ADI1: variants seen among roughly 807,000 people sequenced by gnomAD.
ADI1 encodes acireductone dioxygenase 1, also known as acireductone dioxygenase.
A neutral mutation model predicts 18.7 loss-of-function variants in ADI1; 21 were observed. The ratio of observed to expected loss-of-function variants is 1.13; its 90% CI spans 0.80 to 1.62. ADI1 has a LOEUF of 1.62. Among genes scored for constraint, ADI1 ranks in the 40% most tolerant of loss-of-function variants. The probability of loss-of-function intolerance (pLI) is 0.00; values close to 1 mark genes in which losing one functional copy is unlikely to be tolerated. For synonymous variants in ADI1, 90 were observed against 100.1 expected, an observed-to-expected ratio of 0.90 and a Z score of 0.60; for missense variants, 245 against 254.9, an observed-to-expected ratio of 0.96 and a Z score of 0.26.
At chr2:3,502,322 C>A (rs901840547) in intron 2 of ADI1, among the ~76,000 whole-genome samples, 3 of 152,178 alleles carry the variant, frequency 2.0e-5, no homozygotes, top group African/African-American at 7.2e-5. Flanking sequence ...TGAGCCACTG[C>A]CCCCAGCCTA....
intron 1 of ADI1, chr2:3,516,836 A>C (rs1667419762): frequency 1.0e-6 from 1 of 985,318 alleles, no homozygotes; most frequent in African/African-American, 1.7e-5. Context: ...AAACATGTCC[A>C]CATGTGTTAC....
At chr2:3,503,942 A>G (rs1292631352) in intron 2 of ADI1, among the ~76,000 whole-genome samples, 1 of 151,910 alleles carries the variant, frequency 6.6e-6, no homozygotes, top group Non-Finnish European at 1.5e-5. Flanking sequence ...GTGAAAACCA[A>G]CCCCCGGGTG....
intron 2 of ADI1, among the ~76,000 whole-genome samples, chr2:3,508,501 AAACT>A (rs1667226725): frequency 6.6e-6 from 1 of 152,198 alleles, no homozygotes; most frequent in Admixed American, 6.5e-5. Flanking sequence ...TGGATTAAAA[AAACT>A]AACTATAATA....
At chr2:3,509,721 C>T (rs906098365) in intron 2 of ADI1, among the ~76,000 whole-genome samples, 1 of 151,864 alleles carries the variant, frequency 6.6e-6, no homozygotes, top group Non-Finnish European at 1.5e-5. Context: ...CAGCACTAAA[C>T]CCCCGTACTA....
At chr2:3,514,791 A>G in intron 1 of ADI1, 3 of 1,548,348 alleles carry the variant, frequency 1.9e-6, no homozygotes, top group South Asian at 1.2e-5. Flanking sequence ...ACTGCACATT[A>G]TATCATCACT....
intron 1 of ADI1, chr2:3,514,884 A>AT: frequency 9.7e-6 from 15 of 1,542,814 alleles, no homozygotes; most frequent in Non-Finnish European, 1.3e-5. Flanking sequence ...GCAGAGGAAC[A>AT]TAAGTTTTGA....
At chr2:3,514,211 C>T (rs374538306) in intron 1 of ADI1, among the ~76,000 whole-genome samples, 39 of 152,320 alleles carry the variant, frequency 2.6e-4, no homozygotes, top group African/African-American at 6.0e-4. Flanking sequence ...TTCTCTGCAA[C>T]AGTCCATCCC....
chr2:3,516,722 TTA>T lies in ADI1; in HGVS notation c.120+2644_120+2645del, dbSNP rs1205533671. 9 of 984,516 alleles carry T rather than the reference TTA, an allele frequency of 9.1e-6. No individual in the cohort carries two copies. In the African/African-American group the frequency reaches 1.6e-4, roughly 17 times the overall value. 61.0% of individuals were successfully genotyped at this position (984,516 alleles called of 1,614,324 possible). A position where few individuals can be genotyped will look rare whatever the true frequency, so the allele number is the denominator to read the frequency against. ...GTCATTTTGTTATAGCAGCAGGTAT[TTA>T]GTTTATTCCAAGCTAAAATAATCTT... is the stretch of plus-strand genomic sequence containing the variant. On this transcript the variant is annotated intron_variant, in intron 1 of 3. Coordinates refer to ENST00000327435, the MANE Select transcript of ADI1 (RefSeq NM_018269.4).
intron 1 of ADI1, among the ~76,000 whole-genome samples, chr2:3,518,031 C>G (rs1455396296): frequency 1.3e-5 from 2 of 152,320 alleles, no homozygotes; most frequent in South Asian, 2.1e-4. Context: ...TTTGAACCCT[C>G]TGGTTGTTTG....
intron 1 of ADI1, chr2:3,517,655 A>G (rs932934526): frequency 1.3e-5 from 2 of 152,038 alleles, no homozygotes; most frequent in East Asian, 3.9e-4. Context: ...AATCCCAGCT[A>G]CTCGGGAGGC....
At chr2:3,513,609 T>C (rs967576168) in intron 2 of ADI1, among the ~76,000 whole-genome samples, 7 of 152,178 alleles carry the variant, frequency 4.6e-5, no homozygotes, top group Non-Finnish European at 8.8e-5. Context: ...CCTTCTGCCA[T>C]GTAAGCTTCC....
chr2:3,500,426 A>G (rs951726366), intron 3 of ADI1, among the ~76,000 whole-genome samples: 1 of 152,274 alleles, frequency 6.6e-6, no homozygotes, highest in Non-Finnish European at 1.5e-5. Flanking sequence ...TAACAACCCT[A>G]CAGGCGCCTC....
intron 2 of ADI1, among the ~76,000 whole-genome samples, chr2:3,503,573 G>A (rs13029383): frequency 0.075 from 3,824 of 50,966 alleles, 1,429 homozygotes; most frequent in African/African-American, 0.57. Flanking sequence ...TCACTCGCAT[G>A]GTACTCATCC....
chr2:3,513,701 C>T (rs751662066), intron 2 of ADI1, among the ~76,000 whole-genome samples, 156 bp downstream of exon 2: 1 of 152,176 alleles, frequency 6.6e-6, no homozygotes, highest in Non-Finnish European at 1.5e-5. Flanking sequence ...CCAATTAAAT[C>T]TCTTTTCTTA....
chr2:3,498,883 AAG>A lies in ADI1; in HGVS notation c.*78_*79del. On this transcript the variant is annotated 3_prime_UTR_variant, in exon 4 of 4. Transcript: ENST00000327435. ...GCCTCAAGGCTATCCTCTAAAAGCA[AAG>A]AGAAAGTGATTGATTTTCTGCTCAG... 2 of 1,517,922 alleles carry A rather than the reference AAG, an allele frequency of 1.3e-6. No individual in the cohort carries two copies. Among genetic ancestry groups the A allele is most frequent in the East Asian group, 2.3e-5 (1 of 43,468 alleles). The allele number at this position is 1,517,922 out of a possible 1,614,324, so 94.0% of individuals were successfully genotyped here. A position where few individuals can be genotyped will look rare whatever the true frequency, so the allele number is the denominator to read the frequency against.
At chr2:3,518,536 A>C (rs1667456719) in intron 1 of ADI1, among the ~76,000 whole-genome samples, 1 of 152,218 alleles carries the variant, frequency 6.6e-6, no homozygotes, top group South Asian at 2.1e-4. Flanking sequence ...CGCCTTGCAA[A>C]GCTAGCGTTA....
chr2:3,499,447 A>T (rs1666945106), intron 3 of ADI1, among the ~76,000 whole-genome samples: 1 of 152,194 alleles, frequency 6.6e-6, no homozygotes, highest in Non-Finnish European at 1.5e-5. Flanking sequence ...AAGAATTAGC[A>T]TCAGGGCCCA....
In ADI1 at chr2:3,508,607, T is replaced by G. The variant is rs372952053; in HGVS notation, c.240+5250A>C. Among the ~76,000 whole-genome samples the G allele has an allele frequency of 2.6e-5, 4 of 151,918 alleles. 1 individual carries two copies. The highest frequency in any genetic ancestry group is 9.7e-5 in the African/African-American group (4 of 41,444). ...GAAAGATATACCATATTAACACAAA[T>G]CAAAAAAATGCTGGCCAGAGACAGT... On this transcript the variant is annotated intron_variant, in intron 2 of 3. Coordinates refer to ENST00000327435, the MANE Select transcript of ADI1 (RefSeq NM_018269.4).
At chr2:3,514,872 T>C (rs7566663) in intron 1 of ADI1, 324,185 of 1,544,958 alleles carry the variant, frequency 0.21, 35,368 homozygotes, top group East Asian at 0.29. Context: ...GCTGGAGCCA[T>C]GGCAGAGGAA....
Sources: allele counts gnomAD v4.1 joint callset (sites outside exome capture counted in the v4.1 genomes callset), GRCh38; gene constraint gnomAD v4.1.1; transcripts MANE v1.5; gene names NCBI Gene and HGNC (gene_info 2026-07-23, HGNC 2026-07-21).